Variants in ARHGEF26 observed in about 807,000 individuals in gnomAD.
ARHGEF26 encodes the protein Rho guanine nucleotide exchange factor (GEF) 26.
In ARHGEF26, 59 loss-of-function variants were observed where a neutral mutation model predicts 89.4. The observed-to-expected ratio is 0.66, with a 90% confidence interval of 0.54 to 0.82. ARHGEF26 has a LOEUF of 0.82. Ranked by LOEUF, ARHGEF26 falls within the 40% of genes least tolerant of loss-of-function variation. ARHGEF26 has a pLI of 0.00. For missense variants in ARHGEF26, 1,234 were observed against 1,085.6 expected, an observed-to-expected ratio of 1.14 and a Z score of -1.92; for synonymous variants, 500 against 428.4, an observed-to-expected ratio of 1.17 and a Z score of -2.06.
chr3:154,254,022 T>C (rs1455203810), intron 13 of ARHGEF26, among the ~76,000 whole-genome samples: 1 of 152,174 alleles, frequency 6.6e-6, no homozygotes, highest in African/African-American at 2.4e-5. Flanking sequence ...TTCATACCAT[T>C]CTCCTGCCTC....
rs879104213 is a variant in ARHGEF26, at chr3:154,124,553, T to C, written c.1123+104T>C. 1.1e-5 allele frequency: 11 copies of C among 1,019,744 alleles called. No individual in the cohort carries two copies. The South Asian group carries it at 1.8e-4, about 17-fold the overall frequency. 63.2% of individuals were successfully genotyped at this position (1,019,744 alleles called of 1,614,324 possible). A position where few individuals can be genotyped will look rare whatever the true frequency, so the allele number is the denominator to read the frequency against. On this transcript the variant is annotated intron_variant, in intron 3 of 14. Coordinates refer to ENST00000465093, the MANE Select transcript of ARHGEF26 (RefSeq NM_015595.4). ...ACAAAAATGCTTACGATGAGAAATA[T>C]GTCCAACTTCTTCTCAAATTATACA...
intron 4 of ARHGEF26, among the ~76,000 whole-genome samples, chr3:154,130,539 C>T (rs1718625820): frequency 6.6e-6 from 1 of 152,070 alleles, no homozygotes; most frequent in Non-Finnish European, 1.5e-5. Context: ...TTTTGTATGC[C>T]TGTCTCTGAC....
At chr3:154,216,865 C>T (rs1162703525) in intron 9 of ARHGEF26, among the ~76,000 whole-genome samples, 14 of 80,244 alleles carry the variant, frequency 1.7e-4, no homozygotes, top group South Asian at 5.9e-4. Context: ...GACATGAACT[C>T]ATCATTTTTT....
intron 10 of ARHGEF26, among the ~76,000 whole-genome samples, chr3:154,219,242 C>G (rs1314057120): frequency 6.6e-6 from 1 of 152,050 alleles, no homozygotes; most frequent in East Asian, 1.9e-4. Context: ...GAAAAATTCC[C>G]TAACCATTTT....
chr3:154,142,568 C>A (rs1293997413), intron 4 of ARHGEF26, among the ~76,000 whole-genome samples: 1 of 152,172 alleles, frequency 6.6e-6, no homozygotes, highest in African/African-American at 2.4e-5. Context: ...TGCAAAATCT[C>A]AGAAATTCAG....
intron 12 of ARHGEF26, among the ~76,000 whole-genome samples, chr3:154,245,157 A>T (rs1717725131): frequency 6.6e-6 from 1 of 152,032 alleles, no homozygotes; most frequent in African/African-American, 2.4e-5. Flanking sequence ...CCTCTCAAAG[A>T]GCTGGGATTA....
At chr3:154,121,772 C>G (rs1007351021) in intron 1 of ARHGEF26, among the ~76,000 whole-genome samples, 170 bp from the exon 2 acceptor site, 1 of 152,142 alleles carries the variant, frequency 6.6e-6, no homozygotes, top group Non-Finnish European at 1.5e-5. Context: ...AGATTTCTGC[C>G]GGGAACCGCG....
intron 6 of ARHGEF26, among the ~76,000 whole-genome samples, chr3:154,179,732 T>G (rs186420807): frequency 1.6e-4 from 25 of 152,238 alleles, no homozygotes; most frequent in African/African-American, 6.0e-4. Context: ...GTAGGGCCCA[T>G]GAGTTACAAG....
chr3:154,130,839 T>A (rs1419083970), intron 4 of ARHGEF26, among the ~76,000 whole-genome samples: 1 of 152,186 alleles, frequency 6.6e-6, no homozygotes, highest in Non-Finnish European at 1.5e-5. Context: ...GAATCAGGAA[T>A]CTTGTGTATT....
At chr3:154,251,985 C>T (rs566378575) in intron 12 of ARHGEF26, among the ~76,000 whole-genome samples, 5 of 152,160 alleles carry the variant, frequency 3.3e-5, no homozygotes, top group East Asian at 3.9e-4. Flanking sequence ...GGCTTATCTA[C>T]GCAAAAACAG....
At chr3:154,176,667 A>G (rs1410118887) in intron 6 of ARHGEF26, among the ~76,000 whole-genome samples, 1 of 152,140 alleles carries the variant, frequency 6.6e-6, no homozygotes, top group African/African-American at 2.4e-5. Context: ...CTTTACGTAG[A>G]CGGTGTTGTA....
At chr3:154,217,807 G>A in intron 9 of ARHGEF26, 62 bp from the exon 10 acceptor site, 1 of 1,286,712 alleles carries the variant, frequency 7.8e-7, no homozygotes, top group Non-Finnish European at 1.1e-6. Context: ...TGAGAGTTCT[G>A]CTTTTGAAAG....
At chr3:154,217,361 C>T (rs908306432) in intron 9 of ARHGEF26, among the ~76,000 whole-genome samples, 4 of 151,988 alleles carry the variant, frequency 2.6e-5, no homozygotes, top group Admixed American at 2.6e-4. Flanking sequence ...TCATGTCCTT[C>T]ACCCACTTTC....
At chr3:154,127,967 T>C (rs1436905586) in intron 3 of ARHGEF26, among the ~76,000 whole-genome samples, 1 of 152,194 alleles carries the variant, frequency 6.6e-6, no homozygotes, top group African/African-American at 2.4e-5. Context: ...TTATAGCTTT[T>C]GTGTATGCTT....
chr3:154,151,216 A>G (rs1719996888), intron 5 of ARHGEF26, among the ~76,000 whole-genome samples: 1 of 152,206 alleles, frequency 6.6e-6, no homozygotes, highest in East Asian at 1.9e-4. Flanking sequence ...CAAAAGCCAA[A>G]TGCATGAGAC....
At chr3:154,195,483 G>A (rs1231172799) in intron 9 of ARHGEF26, among the ~76,000 whole-genome samples, 1 of 152,198 alleles carries the variant, frequency 6.6e-6, no homozygotes, top group African/African-American at 2.4e-5. Flanking sequence ...AGGGATGGCA[G>A]TGGCCCCTAT....
chr3:154,212,749 T>C (rs1715456639), intron 9 of ARHGEF26, among the ~76,000 whole-genome samples: 1 of 152,092 alleles, frequency 6.6e-6, no homozygotes, highest in Non-Finnish European at 1.5e-5. Flanking sequence ...GAGAATCCAG[T>C]GCTGTGACTG....
rs567112998 is a variant in ARHGEF26, at chr3:154,122,247, C to A, written c.255C>A (p.Gly85=). Residue 85 remains glycine (G), a synonymous_variant, in exon 2 of 15, where the codon GGC becomes GGA. Coordinates refer to ENST00000465093, the MANE Select transcript of ARHGEF26 (RefSeq NM_015595.4). Reference sequence around the variant, plus strand: ...TACATAGGAGCCCCCTGCTTCTGGGCGCCCAGCGGAGAGCGGTGGCCAATG... The same window carrying A: ...TACATAGGAGCCCCCTGCTTCTGGGAGCCCAGCGGAGAGCGGTGGCCAATG... ...RTVHRSPLLL[G]AQRRAVANGG... 4 of 1,611,278 alleles carry A rather than the reference C, an allele frequency of 2.5e-6. No homozygotes were observed. In the East Asian group the frequency reaches 8.9e-5, roughly 36 times the overall value.
At chr3:154,231,961 A>G (rs1404415419) in intron 11 of ARHGEF26, among the ~76,000 whole-genome samples, 1 of 152,102 alleles carries the variant, frequency 6.6e-6, no homozygotes, top group Non-Finnish European at 1.5e-5. Flanking sequence ...TTGCTGAAAA[A>G]TGTGAAATAA....
Sources: allele counts gnomAD v4.1 joint callset (sites outside exome capture counted in the v4.1 genomes callset), GRCh38; gene constraint gnomAD v4.1.1; transcripts MANE v1.5; gene names NCBI Gene and HGNC (gene_info 2026-07-23, HGNC 2026-07-21).